The following BCL2 variants were observed in gnomAD, a reference collection of about 807,000 sequenced individuals.
The protein encoded by BCL2 is apoptosis regulator Bcl-2.
Under a neutral mutation model 14.2 loss-of-function variants are expected in BCL2, and 1 was observed. That is an observed-to-expected ratio of 0.07 (90% CI 0.02 to 0.33). BCL2 has a LOEUF of 0.33. Among genes scored for constraint, BCL2 ranks in the 10% least tolerant of loss-of-function variants. The pLI is 0.99. For synonymous variants in BCL2, 151 were observed against 137.2 expected, an observed-to-expected ratio of 1.10 and a Z score of -0.70; for missense variants, 247 against 305.9, an observed-to-expected ratio of 0.81 and a Z score of 1.44.
chr18:63,190,580 C>T (rs1259071073), intron 2 of BCL2, among the ~76,000 whole-genome samples: 1 of 152,216 alleles, frequency 6.6e-6, no homozygotes, highest in Non-Finnish European at 1.5e-5. Context: ...GCCCATGCTC[C>T]CTGCAAGGGA....
intron 2 of BCL2, among the ~76,000 whole-genome samples, chr18:63,266,969 G>C (rs1911851048): frequency 6.6e-6 from 1 of 152,214 alleles, no homozygotes; most frequent in South Asian, 2.1e-4. Flanking sequence ...CTCAAAGTCA[G>C]ATTAGAAAGC....
chr18:63,213,029 T>C (rs1267664132), intron 2 of BCL2, among the ~76,000 whole-genome samples: 2 of 152,222 alleles, frequency 1.3e-5, no homozygotes, highest in African/African-American at 4.8e-5. Context: ...TGATTAGGAC[T>C]AAGTGCTGAA....
At chr18:63,258,283 A>C (rs1176902730) in intron 2 of BCL2, among the ~76,000 whole-genome samples, 1 of 152,212 alleles carries the variant, frequency 6.6e-6, no homozygotes, top group Non-Finnish European at 1.5e-5. Flanking sequence ...TAAGCCACCC[A>C]GTTTACGGTA....
chr18:63,154,181 C>A (rs1291735138), intron 2 of BCL2, among the ~76,000 whole-genome samples: 8 of 152,106 alleles, frequency 5.3e-5, no homozygotes, highest in African/African-American at 1.9e-4. Context: ...TGATCCTCAA[C>A]TCCTCCCTCT....
intron 2 of BCL2, among the ~76,000 whole-genome samples, chr18:63,289,447 G>C (rs1434952653): frequency 6.6e-6 from 1 of 152,176 alleles, no homozygotes; most frequent in African/African-American, 2.4e-5. Context: ...AAGATCCCCA[G>C]AACAGAGAAG....
Position 63,240,699 on chromosome 18 carries a change from G to A in BCL2, c.585+77383C>T, listed in dbSNP as rs533679590. Reference sequence around the variant, plus strand: ...TCCCAATTCCCTGCCTTTGTCGGAGGCTCTCATCATCTCTAAACTACCACA... The same window carrying A: ...TCCCAATTCCCTGCCTTTGTCGGAGACTCTCATCATCTCTAAACTACCACA... On this transcript the variant is annotated intron_variant, in intron 2 of 2. Coordinates refer to ENST00000333681, the MANE Select transcript of BCL2 (RefSeq NM_000633.3). Among the ~76,000 whole-genome samples the A allele has an allele frequency of 2.0e-5, 3 of 152,326 alleles. No homozygotes were observed. The South Asian group carries it at 6.2e-4, about 32-fold the overall frequency.
chr18:63,253,054 C>T (rs1911361299), intron 2 of BCL2, among the ~76,000 whole-genome samples: 3 of 152,224 alleles, frequency 2.0e-5, no homozygotes, highest in Admixed American at 2.0e-4. Flanking sequence ...AGAATTATTC[C>T]TCAGATGCAC....
intron 2 of BCL2, among the ~76,000 whole-genome samples, chr18:63,267,209 A>C (rs1313538428): frequency 2.0e-5 from 3 of 152,216 alleles, no homozygotes; most frequent in Non-Finnish European, 4.4e-5. Context: ...CCCATGGAGC[A>C]TTTATACAGG....
intron 2 of BCL2, among the ~76,000 whole-genome samples, chr18:63,261,134 T>C (rs1911647783): frequency 1.3e-5 from 2 of 152,204 alleles, no homozygotes; most frequent in African/African-American, 4.8e-5. Context: ...TAGAGTGATT[T>C]TCCCATTTTA....
chr18:63,320,055 C>CGCGGCGGGGCCACGGAGA (rs1426979348), upstream of BCL2: 1 of 146,494 alleles, frequency 6.8e-6, no homozygotes, highest in East Asian at 2.0e-4. Context: ...GCGGCGGCAG[C>CGCGGCGGGGCCACGGAGA]GCGGCGGGGC....
chr18:63,286,762 A>G (rs1156488279), intron 2 of BCL2, among the ~76,000 whole-genome samples: 1 of 152,138 alleles, frequency 6.6e-6, no homozygotes, highest in African/African-American at 2.4e-5. Context: ...GATGGTGGGA[A>G]GGGAGTCCTT....
chr18:63,268,180 AAAAAGAGAGGGAGGGAACACCAAG>A, intron 2 of BCL2, among the ~76,000 whole-genome samples: 1 of 152,156 alleles, frequency 6.6e-6, no homozygotes, highest in South Asian at 2.1e-4. Context: ...CCTACCAATG[AAAAAGAGAGGGAGGGAACACCAAG>A]TGTATGCCTC....
At chr18:63,263,136 G>A (rs149560277) in intron 2 of BCL2, among the ~76,000 whole-genome samples, 2 of 152,296 alleles carry the variant, frequency 1.3e-5, no homozygotes, top group African/African-American at 4.8e-5. Context: ...GAGGGTGGAC[G>A]GTGAGCTGAC....
intron 2 of BCL2, among the ~76,000 whole-genome samples, chr18:63,137,141 T>G (rs1914228109): frequency 1.3e-5 from 2 of 152,244 alleles, no homozygotes; most frequent in Admixed American, 1.3e-4. Context: ...TTCCCAATGC[T>G]CTGGCTCCAA....
chr18:63,315,563 A>T (rs1447941907), intron 2 of BCL2: 4 of 152,224 alleles, frequency 2.6e-5, no homozygotes, highest in Non-Finnish European at 5.9e-5. Flanking sequence ...AGTATTCAGG[A>T]GATGGGCTAA....
At chr18:63,312,232 A>G (rs1913350316) in intron 2 of BCL2, among the ~76,000 whole-genome samples, 2 of 152,158 alleles carry the variant, frequency 1.3e-5, no homozygotes, top group Non-Finnish European at 2.9e-5. Flanking sequence ...GTTAACAAGG[A>G]GCTACACCTG....
At chr18:63,313,936 T>C (rs980291249) in intron 2 of BCL2, 3 of 152,176 alleles carry the variant, frequency 2.0e-5, no homozygotes, top group African/African-American at 7.2e-5. Context: ...CCATTCTTAT[T>C]AGAAAGTACA....
rs1054183079 is a variant in BCL2 at position 63,302,492 on chromosome 18, A to C, written c.585+15590T>G. ...TTCCTTTTTGGCTTCCTTATGAAAT[A>C]CCACGAAGCTCTACTCTAAAAAGTC... On this transcript the variant is annotated intron_variant, in intron 2 of 2. Transcript: ENST00000333681. 8 of 985,286 alleles carry C rather than the reference A, an allele frequency of 8.1e-6. No individual in the cohort carries two copies. In the African/African-American group the frequency reaches 1.4e-4, roughly 17 times the overall value. The allele number at this position is 985,286 out of a possible 1,614,324, so 61.0% of individuals were successfully genotyped here. A position where few individuals can be genotyped will look rare whatever the true frequency, so the allele number is the denominator to read the frequency against.
chr18:63,215,706 G>A (rs1346876595), intron 2 of BCL2, among the ~76,000 whole-genome samples: 6 of 152,130 alleles, frequency 3.9e-5, no homozygotes, highest in African/African-American at 7.2e-5. Flanking sequence ...GATAAGAACC[G>A]CATGGGTGCT....
Sources: allele counts gnomAD v4.1 joint callset (sites outside exome capture counted in the v4.1 genomes callset), GRCh38; gene constraint gnomAD v4.1.1; transcripts MANE v1.5; gene names NCBI Gene and HGNC (gene_info 2026-07-23, HGNC 2026-07-21).